The following ABCB1 variants were observed in gnomAD, a reference collection of about 807,000 sequenced individuals.
ABCB1 encodes ATP-dependent translocase ABCB1.
In ABCB1, 69 loss-of-function variants were observed where a neutral mutation model predicts 142.0. The observed-to-expected ratio is 0.49, with a 90% CI of 0.40 to 0.59. ABCB1 has a LOEUF of 0.59. Among genes scored for constraint, ABCB1 ranks in the 20% least tolerant of loss-of-function variants. The pLI, the probability that ABCB1 is intolerant of heterozygous loss-of-function variation, is 0.00. For synonymous variants in ABCB1, 532 were observed against 539.2 expected (o/e 0.99, Z 0.18); for missense variants, 1,326 against 1,554.7 (o/e 0.85, Z 2.47).
chr7:87,541,069 A>C (rs980166557), intron 18 of ABCB1, among the ~76,000 whole-genome samples: 1 of 152,158 alleles, frequency 6.6e-6, no homozygotes, highest in Non-Finnish European at 1.5e-5. Context: ...GGGCTCCCCC[A>C]CACCCCATTT....
At chr7:87,578,474 C>T (rs1014467750) in intron 4 of ABCB1, among the ~76,000 whole-genome samples, 11 of 152,168 alleles carry the variant, frequency 7.2e-5, no homozygotes, top group African/African-American at 2.2e-4. Flanking sequence ...ATTTTGATAG[C>T]GATTGCACTG....
chr7:87,662,785 G>C (rs1358421689), intron 1 of ABCB1, among the ~76,000 whole-genome samples: 1 of 152,050 alleles, frequency 6.6e-6, no homozygotes, highest in Non-Finnish European at 1.5e-5. Flanking sequence ...CTATTTCTGT[G>C]AAAAATGTCA....
At chr7:87,710,699 C>A in intron 1 of ABCB1, 1 of 1,036,514 alleles carries the variant, frequency 9.6e-7, no homozygotes, top group Non-Finnish European at 1.5e-6. Flanking sequence ...TTGAAAGAAT[C>A]ACCTGAAGAC....
At chr7:87,707,665 C>T (rs1829727689) in intron 1 of ABCB1, among the ~76,000 whole-genome samples, 7 of 151,614 alleles carry the variant, frequency 4.6e-5, no homozygotes, top group Admixed American at 4.6e-4. Context: ...TAGAGCAAGA[C>T]CCTGTCATAA....
At chr7:87,510,824 C>A (rs1814971912) in intron 25 of ABCB1, among the ~76,000 whole-genome samples, 1 of 152,104 alleles carries the variant, frequency 6.6e-6, no homozygotes, top group African/African-American at 2.4e-5. Flanking sequence ...TCCAGGCTTC[C>A]TTACAATGTT....
intron 26 of ABCB1, among the ~76,000 whole-genome samples, chr7:87,507,442 G>A (rs752578515): frequency 4.6e-5 from 7 of 152,282 alleles, no homozygotes; most frequent in African/African-American, 7.2e-5. Flanking sequence ...ATGCTGATCC[G>A]TGTCTATACT....
chr7:87,559,783 C>G (rs907143511), intron 8 of ABCB1, among the ~76,000 whole-genome samples: 1 of 152,124 alleles, frequency 6.6e-6, no homozygotes, highest in Non-Finnish European at 1.5e-5. Flanking sequence ...GCAGTCAGGC[C>G]TGAGAATCTA....
intron 4 of ABCB1, among the ~76,000 whole-genome samples, chr7:87,572,087 G>A (rs1818079393): frequency 6.6e-6 from 1 of 152,124 alleles, no homozygotes; most frequent in South Asian, 2.1e-4. Context: ...TCTGCTCCAC[G>A]TTTTCAAAAA....
chr7:87,544,749 C>A, intron 16 of ABCB1, 74 bp downstream of exon 16: 1 of 1,473,862 alleles, frequency 6.8e-7, no homozygotes, highest in Non-Finnish European at 9.5e-7. Flanking sequence ...CCCACTCCTA[C>A]TGTAGCCCTA....
At chr7:87,525,503 A>G (rs1815743129) in intron 21 of ABCB1, among the ~76,000 whole-genome samples, 1 of 152,216 alleles carries the variant, frequency 6.6e-6, no homozygotes, top group African/African-American at 2.4e-5. Flanking sequence ...AGTCTTACCA[A>G]TAACATAAAC....
At chr7:87,532,822 A>G (rs1816115683) in intron 20 of ABCB1, among the ~76,000 whole-genome samples, 1 of 152,118 alleles carries the variant, frequency 6.6e-6, no homozygotes, top group South Asian at 2.1e-4. Context: ...TCTTTCTTGT[A>G]CAAGATCCAA....
Position 87,703,914 on chromosome 7 carries a change from G to GTTTTTTTTTTTTTTTTTTTTT in ABCB1, c.-331+9226_-331+9246dup, listed in dbSNP as rs35797972. ...TTTTTTTTTTTTTTTTTTTTTTTTG[G>GTTTTTTTTTTTTTTTTTTTTT]TTTTTTTTTTTTTTTTTTTTTTTTT... On this transcript the variant is annotated intron_variant, in intron 1 of 28. Transcript: ENST00000265724. Among the ~76,000 whole-genome samples, 43 of 42,978 alleles carry GTTTTTTTTTTTTTTTTTTTTT rather than the reference G, an allele frequency of 1.0e-3. 1 individual carries two copies. The highest frequency in any genetic ancestry group is 1.6e-3 in the Admixed American group (4 of 2,580). 28.2% of individuals were successfully genotyped at this position (42,978 alleles called of 152,430 possible). A position where few individuals can be genotyped will look rare whatever the true frequency, so the allele number is the denominator to read the frequency against.
chr7:87,524,694 C>A (rs1212523502), intron 21 of ABCB1, among the ~76,000 whole-genome samples: 1 of 151,612 alleles, frequency 6.6e-6, no homozygotes, highest in Non-Finnish European at 1.5e-5. Context: ...ATGTAACTAA[C>A]CTGCACGTTG....
chr7:87,572,930 A>G (rs1409074749), intron 4 of ABCB1, among the ~76,000 whole-genome samples: 1 of 151,946 alleles, frequency 6.6e-6, no homozygotes, highest in Non-Finnish European at 1.5e-5. Flanking sequence ...AGAATCAGGA[A>G]AAATAACTAG....
chr7:87,700,701 T>G, intron 1 of ABCB1: 1 of 673,984 alleles, frequency 1.5e-6, no homozygotes, highest in Non-Finnish European at 2.4e-6. Context: ...TTTCTACATT[T>G]CTTGAATTAT....
rs775541518 is a variant in ABCB1, at chr7:87,531,816, G to A, written c.2482-319C>T. The A allele has an allele frequency of 2.7e-4, 80 of 296,520 alleles. 1 individual carries two copies. The highest frequency in any genetic ancestry group is 1.1e-3 in the Middle Eastern group (1 of 912). 18.4% of individuals were successfully genotyped at this position (296,520 alleles called of 1,614,324 possible). ...ATCTGCAAATTAGCAAGATAAAGGA[G>A]TCTGACAAACTAGGAATGATGGAAA... On this transcript the variant is annotated intron_variant, in intron 20 of 27. Transcript: ENST00000622132.
At chr7:87,527,325 A>T (rs1465438852) in intron 21 of ABCB1, among the ~76,000 whole-genome samples, 1 of 152,214 alleles carries the variant, frequency 6.6e-6, no homozygotes, top group Non-Finnish European at 1.5e-5. Flanking sequence ...TGCATTTTCA[A>T]TATGAGATAA....
At chr7:87,647,999 A>G (rs1776928113) in intron 1 of ABCB1, among the ~76,000 whole-genome samples, 1 of 151,980 alleles carries the variant, frequency 6.6e-6, no homozygotes, top group Non-Finnish European at 1.5e-5. Context: ...CCTGGCTAAC[A>G]TGGTGAAACC....
intron 1 of ABCB1, among the ~76,000 whole-genome samples, chr7:87,675,117 C>G (rs1051043511): frequency 2.6e-5 from 4 of 152,200 alleles, no homozygotes; most frequent in African/African-American, 9.6e-5. Flanking sequence ...GTTCAACTTG[C>G]CTTTTCCCCA....
Sources: allele counts gnomAD v4.1 joint callset (sites outside exome capture counted in the v4.1 genomes callset), GRCh38; gene constraint gnomAD v4.1.1; transcripts MANE v1.5; gene names NCBI Gene and HGNC (gene_info 2026-07-23, HGNC 2026-07-21).